TCERG1L: variants seen among roughly 807,000 people sequenced by gnomAD.
TCERG1L encodes the protein transcription elongation regulator 1-like protein.
A neutral mutation model predicts 56.3 loss-of-function variants in TCERG1L; 37 were observed. That is an observed-to-expected ratio of 0.66 (90% confidence interval 0.51 to 0.87). The LOEUF (loss-of-function observed/expected upper bound fraction) is 0.87, where lower values mean the gene tolerates loss of function less well. TCERG1L is among the 40% of genes least tolerant of loss of function. The probability of loss-of-function intolerance (pLI) is 0.00; values close to 1 mark genes in which losing one functional copy is unlikely to be tolerated. For missense variants in TCERG1L, 799 were observed against 774.2 expected (o/e 1.03, Z -0.38); for synonymous variants, 324 against 326.3 (o/e 0.99, Z 0.08).
At chr10:131,148,917 G>A (rs939990192) in intron 6 of TCERG1L, among the ~76,000 whole-genome samples, 6 of 152,230 alleles carry the variant, frequency 3.9e-5, no homozygotes. Flanking sequence ...ACTCTGTCCT[G>A]AGCACCAGCA....
intron 4 of TCERG1L, among the ~76,000 whole-genome samples, chr10:131,194,431 G>A (rs1031596325): frequency 3.9e-5 from 6 of 152,298 alleles, no homozygotes; most frequent in Non-Finnish European, 8.8e-5. Flanking sequence ...GGGTTTGTTT[G>A]GGTTATAGAA....
intron 7 of TCERG1L, 109 bp from the exon 8 acceptor site, chr10:131,134,557 C>A: frequency 2.5e-6 from 2 of 794,020 alleles, no homozygotes; most frequent in Non-Finnish European, 4.2e-6. Context: ...ATTAAGACAA[C>A]AGGCTTCTCT....
intron 3 of TCERG1L, among the ~76,000 whole-genome samples, chr10:131,302,783 C>T (rs988177431): frequency 6.6e-6 from 1 of 151,868 alleles, no homozygotes; most frequent in South Asian, 2.1e-4. Flanking sequence ...TCCTAGCCCC[C>T]CACCCCGCAA....
chr10:131,278,000 G>T (rs1490589368), intron 3 of TCERG1L, among the ~76,000 whole-genome samples: 4 of 152,166 alleles, frequency 2.6e-5, no homozygotes, highest in African/African-American at 9.6e-5. Flanking sequence ...CCCCAAAACA[G>T]GGCTCTGGAG....
intron 4 of TCERG1L, among the ~76,000 whole-genome samples, chr10:131,199,254 C>T (rs1356734412): frequency 1.3e-5 from 2 of 152,180 alleles, no homozygotes; most frequent in Non-Finnish European, 2.9e-5. Flanking sequence ...CTCTCCCCAA[C>T]CCCCTTCTCA....
At chr10:131,206,381 C>A (rs1448406720) in intron 4 of TCERG1L, among the ~76,000 whole-genome samples, 1 of 152,166 alleles carries the variant, frequency 6.6e-6, no homozygotes, top group East Asian at 1.9e-4. Flanking sequence ...GCCTCCCAGG[C>A]CCTGGGGCCC....
At position 131,308,125 on chromosome 10, in the gene TCERG1L, T is replaced by A; in HGVS notation, c.670+86A>T. ...TACCAAGATAATTGTTTCATTAAAA[T>A]GATGAGTATGGTTTTCATATCTAAA... On this transcript the variant is annotated intron_variant, in intron 3 of 11. Coordinates refer to ENST00000368642, the MANE Select transcript of TCERG1L (RefSeq NM_174937.4). 1.6e-6 allele frequency: 2 copies of A among 1,232,258 alleles called. 1 individual carries two copies. Among genetic ancestry groups the A allele is most frequent in the South Asian group, 3.3e-5 (2 of 61,008 alleles). 76.3% of individuals were successfully genotyped at this position (1,232,258 alleles called of 1,614,324 possible). A position where few individuals can be genotyped will look rare whatever the true frequency, so the allele number is the denominator to read the frequency against.
chr10:131,260,373 T>C lies in TCERG1L; in HGVS notation c.742A>G (p.Met248Val), dbSNP rs943807432. Residue 248 changes from methionine (M) to valine (V), a missense_variant, in exon 4 of 12, where the codon ATG (methionine) becomes GTG (valine). Transcript: ENST00000368642. This position sits in a 1 kb window ranked among gnomAD's most constrained non-coding sequence, Gnocchi z 5.8. The part of the protein sequence containing the change: ...IAIATAAAAA[M>V]VSVDPENLRG... ...AGGTTCTCAGGGTCCACGGAGACCA[T>C]GGCAGCGGCGGCGGCGGTGGCGATG... is the stretch of plus-strand genomic sequence containing the variant. 1.9e-5 allele frequency: 29 copies of C among 1,498,460 alleles called. No homozygotes were observed. The highest frequency in any genetic ancestry group is 1.9e-4 in the East Asian group (7 of 36,730). The allele number at this position is 1,498,460 out of a possible 1,614,324, so 92.8% of individuals were successfully genotyped here. A position where few individuals can be genotyped will look rare whatever the true frequency, so the allele number is the denominator to read the frequency against.
chr10:131,300,434 T>C (rs921904619), intron 3 of TCERG1L, among the ~76,000 whole-genome samples: 1 of 152,212 alleles, frequency 6.6e-6, no homozygotes, highest in Admixed American at 6.5e-5. Context: ...TTTCAGTTGC[T>C]TTCTCGTTTT....
At chr10:131,211,416 AC>A (rs1236545462) in intron 4 of TCERG1L, among the ~76,000 whole-genome samples, 5 of 152,200 alleles carry the variant, frequency 3.3e-5, no homozygotes, top group Non-Finnish European at 5.9e-5. Flanking sequence ...AGGGCTTCCT[AC>A]TACAACCCCT....
intron 11 of TCERG1L, chr10:131,095,513 C>T (rs1182683029): frequency 1.3e-5 from 2 of 152,168 alleles, no homozygotes; most frequent in African/African-American, 4.8e-5. Flanking sequence ...GCCTGGCTCT[C>T]CAGCATGTGG....
chr10:131,151,109 C>T (rs1213048442), intron 6 of TCERG1L, among the ~76,000 whole-genome samples: 1 of 152,150 alleles, frequency 6.6e-6, no homozygotes, highest in African/African-American at 2.4e-5. Context: ...GGACACAAAG[C>T]CAAACCATAT....
intron 7 of TCERG1L, among the ~76,000 whole-genome samples, chr10:131,138,935 T>C: frequency 6.6e-6 from 1 of 152,240 alleles, no homozygotes; most frequent in Non-Finnish European, 1.5e-5. Flanking sequence ...AATAATATTG[T>C]AGCCAAACAC....
In TCERG1L at chr10:131,118,121, G is replaced by A. The variant is rs1353247124; in HGVS notation, c.1260-1187C>T. Among the ~76,000 whole-genome samples the A allele has an allele frequency of 6.6e-6, 1 of 152,194 alleles. No homozygotes were observed. The highest frequency in any genetic ancestry group is 2.4e-5 in the African/African-American group (1 of 41,460). On this transcript the variant is annotated intron_variant, in intron 8 of 11. Coordinates refer to ENST00000368642, the MANE Select transcript of TCERG1L (RefSeq NM_174937.4). The surrounding 1 kb of genome is among the most constrained non-coding windows in gnomAD (Gnocchi z 4.2). ...GGCCCTGCTCCCACACCTGCCCACGGCATCAGACCACCCATTTGAGAGCTC... is the reference window on the plus strand; with the variant it reads ...GGCCCTGCTCCCACACCTGCCCACGACATCAGACCACCCATTTGAGAGCTC...
intron 3 of TCERG1L, among the ~76,000 whole-genome samples, chr10:131,283,602 C>A (rs1480578924): frequency 6.6e-6 from 1 of 151,990 alleles, no homozygotes; most frequent in African/African-American, 2.4e-5. Context: ...ATAAAATATA[C>A]TAATTGTATA....
chr10:131,303,431 G>A (rs971232827), intron 3 of TCERG1L, among the ~76,000 whole-genome samples: 2 of 152,066 alleles, frequency 1.3e-5, no homozygotes, highest in Admixed American at 1.3e-4. Context: ...CTTCTTTTGA[G>A]AAGTGTCTGT....
intron 10 of TCERG1L, among the ~76,000 whole-genome samples, chr10:131,101,673 G>C (rs902634306): frequency 2.2e-4 from 34 of 152,260 alleles, no homozygotes; most frequent in African/African-American, 8.2e-4. Context: ...TAAAATCACA[G>C]GCTCCTTGTT....
intron 4 of TCERG1L, among the ~76,000 whole-genome samples, chr10:131,226,982 C>G (rs1845796383): frequency 6.6e-6 from 1 of 152,238 alleles, no homozygotes; most frequent in South Asian, 2.1e-4. Flanking sequence ...TGCTCAGGGC[C>G]AGGTGGGCTC....
intron 3 of TCERG1L, among the ~76,000 whole-genome samples, chr10:131,277,470 G>A (rs993946606): frequency 3.3e-5 from 5 of 152,228 alleles, no homozygotes; most frequent in African/African-American, 1.2e-4. Context: ...TGAGCCACAA[G>A]AGAGGGCCGC....
Sources: allele counts gnomAD v4.1 joint callset (sites outside exome capture counted in the v4.1 genomes callset), GRCh38; gene constraint gnomAD v4.1.1; non-coding constraint Gnocchi (gnomAD v3.1); transcripts MANE v1.5; gene names NCBI Gene and HGNC (gene_info 2026-07-23, HGNC 2026-07-21).